FECH: variants seen among roughly 807,000 people sequenced by gnomAD.
The protein encoded by FECH is ferrochelatase, also known as ferrochelatase, mitochondrial.
FECH carries 40 observed loss-of-function variants against 56.9 expected under a neutral mutation model. The ratio of observed to expected loss-of-function variants is 0.70; its 90% CI spans 0.55 to 0.92. The LOEUF is 0.92. Ranked by LOEUF, FECH falls within the 40% of genes least tolerant of loss-of-function variation. The pLI is 0.00. For missense variants in FECH, 431 were observed against 529.1 expected, an observed-to-expected ratio of 0.81 and a Z score of 1.82; for synonymous variants, 175 against 198.6, an observed-to-expected ratio of 0.88 and a Z score of 1.00.
chr18:57,566,406 G>T, intron 5 of FECH, 41 bp downstream of exon 5: 1 of 1,613,780 alleles, frequency 6.2e-7, no homozygotes, highest in Middle Eastern at 1.7e-4. Flanking sequence ...ATTTTTGCCA[G>T]CACCGTATCT....
In FECH at chr18:57,568,929, G is replaced by A. The variant is rs1646599; in HGVS notation, c.464-2348C>T. ...CATGTTAATGCCTCTCAGGATTATC[G>A]CATTTAATTTTCACAAGGATCTAAG... is the stretch of plus-strand genomic sequence containing the variant. On this transcript the variant is annotated intron_variant, in intron 4 of 10. Transcript: ENST00000262093. 8.3e-3 allele frequency among the ~76,000 whole-genome samples: 1,264 copies of A among 151,988 alleles called. 9 individuals are homozygous for A. Among genetic ancestry groups the A allele is most frequent in the Middle Eastern group, 0.027 (8 of 294 alleles).
At chr18:57,551,171 C>G in intron 10 of FECH, 144 bp downstream of exon 10, 2 of 700,748 alleles carry the variant, frequency 2.9e-6, no homozygotes, top group Non-Finnish European at 2.4e-6. Context: ...AAAGACTGAG[C>G]AGATAAGGAA....
chr18:57,562,607 G>C (rs2050958652), intron 6 of FECH, among the ~76,000 whole-genome samples: 1 of 152,122 alleles, frequency 6.6e-6, no homozygotes, highest in African/African-American at 2.4e-5. Flanking sequence ...CTGGTCATAG[G>C]AAACACAAAA....
intron 1 of FECH, among the ~76,000 whole-genome samples, chr18:57,583,354 G>A (rs549851004): frequency 6.6e-6 from 1 of 152,218 alleles, no homozygotes; most frequent in Non-Finnish European, 1.5e-5. Context: ...GTACGTGTTC[G>A]GAAACCAGAG....
At chr18:57,583,652 G>A (rs2051318628) in intron 1 of FECH, among the ~76,000 whole-genome samples, 1 of 152,130 alleles carries the variant, frequency 6.6e-6, no homozygotes. Context: ...ATGGATAACT[G>A]ATCTACCTTT....
At chr18:57,576,114 T>A (rs2051182676) in intron 2 of FECH, among the ~76,000 whole-genome samples, 1 of 152,168 alleles carries the variant, frequency 6.6e-6, no homozygotes, top group Non-Finnish European at 1.5e-5. Flanking sequence ...ATACCTGGCC[T>A]CTACCTGTAC....
chr18:57,570,031 T>TGTGTG (rs1317904142), intron 4 of FECH, among the ~76,000 whole-genome samples: 56 of 79,124 alleles, frequency 7.1e-4, no homozygotes, highest in East Asian at 6.5e-3. Flanking sequence ...GTTGTTGTTG[T>TGTGTG]CGTGTGTGTG....
intron 3 of FECH, chr18:57,572,961 T>C: frequency 2.4e-6 from 1 of 424,382 alleles, no homozygotes; most frequent in Non-Finnish European, 4.3e-6. Context: ...AGTACAAATA[T>C]ATCTTTAAAA....
At chr18:57,565,195 G>A (rs182885069) in intron 5 of FECH, among the ~76,000 whole-genome samples, 63 of 152,246 alleles carry the variant, frequency 4.1e-4, no homozygotes, top group Middle Eastern at 6.8e-3. Flanking sequence ...TACATATTGA[G>A]GTATATTTCT....
chr18:57,566,439 G>T lies in FECH; in HGVS notation c.598+8C>A, dbSNP rs938622322. Reference sequence around the variant, plus strand: ...TCTACCTTTCCACTGTCAGAGAGATGCCCTTACCTGTGGTGGAGCAGCTGT... The same window carrying T: ...TCTACCTTTCCACTGTCAGAGAGATTCCCTTACCTGTGGTGGAGCAGCTGT... On this transcript the variant is annotated splice_region_variant and intron_variant, in intron 5 of 10. Transcript: ENST00000262093. The T allele has an allele frequency of 1.2e-5, 20 of 1,614,022 alleles. No homozygotes were observed. The African/African-American group carries it at 2.1e-4, about 17-fold the overall frequency.
chr18:57,570,176 G>T (rs1320673035), intron 4 of FECH, among the ~76,000 whole-genome samples: 1 of 152,114 alleles, frequency 6.6e-6, no homozygotes, highest in African/African-American at 2.4e-5. Flanking sequence ...TTACAGGCGT[G>T]AGCCACCACA....
intron 9 of FECH, among the ~76,000 whole-genome samples, chr18:57,551,972 G>A (rs527275714): frequency 2.3e-4 from 34 of 150,092 alleles, no homozygotes; most frequent in Admixed American, 4.7e-4. Context: ...CAACCTCTGC[G>A]TCCCGGGTTC....
intron 9 of FECH, 146 bp from the exon 10 acceptor site, chr18:57,551,520 T>C (rs953991310): frequency 7.3e-5 from 50 of 682,984 alleles, no homozygotes; most frequent in Non-Finnish European, 7.9e-6. Context: ...GACTGCTCAT[T>C]AATGAAAAAT....
intron 2 of FECH, among the ~76,000 whole-genome samples, chr18:57,576,074 G>A (rs2051181826): frequency 6.6e-6 from 1 of 152,088 alleles, no homozygotes; most frequent in Non-Finnish European, 1.5e-5. Context: ...TGTAGAGGAC[G>A]GCCCTGTGCA....
Position 57,548,197 on chromosome 18 carries a change from G to A in FECH, c.*2515C>T, listed in dbSNP as rs1163692415. 6.6e-6 allele frequency: 1 copy of A among 150,796 alleles called. No homozygotes were observed. Among genetic ancestry groups the A allele is most frequent in the Non-Finnish European group, 1.5e-5 (1 of 67,928 alleles). The allele number at this position is 150,796 out of a possible 1,614,324, so 9.3% of individuals were successfully genotyped here. A position where few individuals can be genotyped will look rare whatever the true frequency, so the allele number is the denominator to read the frequency against. ...GCCCAGGAGGTGGAAGTAGCAGTGA[G>A]CCGAGATCGCACCACTGCCCTCCAG... is the stretch of plus-strand genomic sequence containing the variant. On this transcript the variant is annotated 3_prime_UTR_variant, in exon 11 of 11. Transcript: ENST00000262093.
intron 7 of FECH, among the ~76,000 whole-genome samples, chr18:57,558,780 G>A (rs993807434): frequency 6.6e-6 from 1 of 152,096 alleles, no homozygotes; most frequent in Non-Finnish European, 1.5e-5. Flanking sequence ...AATTAGCCAG[G>A]CATGGTGGTG....
At chr18:57,568,794 T>A (rs2051052517) in intron 4 of FECH, among the ~76,000 whole-genome samples, 1 of 152,248 alleles carries the variant, frequency 6.6e-6, no homozygotes, top group Non-Finnish European at 1.5e-5. Context: ...GATTTGTACA[T>A]GATTTTTTGA....
chr18:57,573,495 G>A lies in FECH; in HGVS notation c.195-130C>T, dbSNP rs948108256. 280 of 1,050,172 alleles carry A rather than the reference G, an allele frequency of 2.7e-4. 2 individuals carry two copies. Among genetic ancestry groups the A allele is most frequent in the Non-Finnish European group, 1.9e-4 (131 of 686,354 alleles). The allele number at this position is 1,050,172 out of a possible 1,614,324, so 65.1% of individuals were successfully genotyped here. A position where few individuals can be genotyped will look rare whatever the true frequency, so the allele number is the denominator to read the frequency against. On this transcript the variant is annotated intron_variant, in intron 2 of 10. Coordinates refer to ENST00000262093, the MANE Select transcript of FECH (RefSeq NM_000140.5). ...AAATACTATGGCTCTTTTCACTGCCGTCACACAGATACCTATTCGGGGACA... is the reference window on the plus strand; with the variant it reads ...AAATACTATGGCTCTTTTCACTGCCATCACACAGATACCTATTCGGGGACA...
chr18:57,569,738 G>C (rs139084126), intron 4 of FECH, among the ~76,000 whole-genome samples: 1 of 151,922 alleles, frequency 6.6e-6, no homozygotes, highest in Non-Finnish European at 1.5e-5. Context: ...ATAATGATGG[G>C]TACTACAGTA....
Sources: allele counts gnomAD v4.1 joint callset (sites outside exome capture counted in the v4.1 genomes callset), GRCh38; gene constraint gnomAD v4.1.1; transcripts MANE v1.5; gene names NCBI Gene and HGNC (gene_info 2026-07-23, HGNC 2026-07-21).